The following SH2B3 variants were observed in gnomAD, a reference collection of about 807,000 sequenced individuals.
The protein encoded by SH2B3 is SH2B adaptor protein 3, also known as SH2B adapter protein 3.
SH2B3 carries 43 observed loss-of-function variants against 51.9 expected under a neutral mutation model. That is an observed-to-expected ratio of 0.83 (90% CI 0.65 to 1.07). The LOEUF is 1.07. Among genes scored for constraint, SH2B3 ranks in the 50% least tolerant of loss-of-function variants. The pLI, the probability that SH2B3 is intolerant of heterozygous loss-of-function variation, is 0.00. For synonymous variants in SH2B3, 396 were observed against 376.0 expected, an observed-to-expected ratio of 1.05 and a Z score of -0.62; for missense variants, 952 against 834.3, an observed-to-expected ratio of 1.14 and a Z score of -1.74.
At position 111,438,521 on chromosome 12, in the gene SH2B3, C is replaced by T. The variant is rs1593065291; in HGVS notation, c.733-8232C>T. Among the ~76,000 whole-genome samples, 1 of 152,294 alleles carries T rather than the reference C, an allele frequency of 6.6e-6. No individual in the cohort carries two copies. Among genetic ancestry groups the T allele is most frequent in the African/African-American group, 2.4e-5 (1 of 41,558 alleles). ...GGATGGCAGTAGGGGCAATCATCCC[C>T]TATGCCCCCCGTTACCCAGCACAAA... On this transcript the variant is annotated intron_variant, in intron 2 of 7. Transcript: ENST00000341259. This position sits in a 1 kb window ranked among gnomAD's most constrained non-coding sequence, Gnocchi z 4.2.
chr12:111,406,234 C>T lies in SH2B3; in HGVS notation c.-71C>T, dbSNP rs1363579358. On this transcript the variant is annotated 5_prime_UTR_variant, in exon 1 of 8. Transcript: ENST00000341259. This position sits in a 1 kb window ranked among gnomAD's most constrained non-coding sequence, Gnocchi z 5.7. The stretch of plus-strand genomic sequence containing the variant: ...TCGGGATTTCGAGGGCCCGGGGGCG[C>T]GCGACGCCATGGGCCGGCCGGGCCC... The T allele has an allele frequency of 2.0e-5, 3 of 151,958 alleles. No homozygotes were observed. Among genetic ancestry groups the T allele is most frequent in the Admixed American group, 6.5e-5 (1 of 15,270 alleles). 9.4% of individuals were successfully genotyped at this position (151,958 alleles called of 1,614,324 possible). A position where few individuals can be genotyped will look rare whatever the true frequency, so the allele number is the denominator to read the frequency against.
At position 111,418,376 on chromosome 12, in the gene SH2B3, C is replaced by A. The variant is rs754581539; in HGVS notation, c.231C>A (p.Arg77=). Residue 77 remains arginine (R), a synonymous_variant, in exon 2 of 8, where the codon CGC becomes CGA. Transcript: ENST00000341259. This position sits in a 1 kb window ranked among gnomAD's most constrained non-coding sequence, Gnocchi z 6.7. ...FTDLFQRYFC[R]EVRDGRAPGR... ...ACCTCTTCCAGCGCTACTTCTGCCG[C>A]GAGGTGCGCGACGGACGGGCGCCGG... is the stretch of plus-strand genomic sequence containing the variant. 3.2e-5 allele frequency: 49 copies of A among 1,515,886 alleles called. No homozygotes were observed. The highest frequency in any genetic ancestry group is 4.2e-5 in the Non-Finnish European group (48 of 1,137,866). 93.9% of individuals were successfully genotyped at this position (1,515,886 alleles called of 1,614,324 possible). A position where few individuals can be genotyped will look rare whatever the true frequency, so the allele number is the denominator to read the frequency against.
Position 111,438,173 on chromosome 12 carries a change from G to T in SH2B3, c.733-8580G>T, listed in dbSNP as rs573453643. Among the ~76,000 whole-genome samples, 1 of 151,704 alleles carries T rather than the reference G, an allele frequency of 6.6e-6. No individual in the cohort carries two copies. The highest frequency in any genetic ancestry group is 6.6e-5 in the Admixed American group (1 of 15,234). On this transcript the variant is annotated intron_variant, in intron 2 of 7. Transcript: ENST00000341259. This position sits in a 1 kb window ranked among gnomAD's most constrained non-coding sequence, Gnocchi z 4.2. ...CAAATGCAGGGGCTGGGTGGCAGGG[G>T]AAGGTGTGGGCGGGAAGGCGGCTGG...
rs753631878 is a variant in SH2B3 at position 111,406,939 on chromosome 12, C to T, written c.-28+662C>T. Reference sequence around the variant, plus strand: ...TTGCCTGGGGTTCCCTGGGAATCCCCCGACCAAAAAACGTCTGGAGTGGGT... The same window carrying T: ...TTGCCTGGGGTTCCCTGGGAATCCCTCGACCAAAAAACGTCTGGAGTGGGT... On this transcript the variant is annotated intron_variant, in intron 1 of 7. Coordinates refer to ENST00000341259, the MANE Select transcript of SH2B3 (RefSeq NM_005475.3). This position sits in a 1 kb window ranked among gnomAD's most constrained non-coding sequence, Gnocchi z 5.7. Among the ~76,000 whole-genome samples, 2 of 152,122 alleles carry T rather than the reference C, an allele frequency of 1.3e-5. No individual in the cohort carries two copies. Among genetic ancestry groups the T allele is most frequent in the Non-Finnish European group, 2.9e-5 (2 of 68,004 alleles).
In SH2B3 at chr12:111,409,768, C is replaced by T. The variant is rs1035816943; in HGVS notation, c.-28+3491C>T. 2.1e-4 allele frequency among the ~76,000 whole-genome samples: 32 copies of T among 152,212 alleles called. No individual in the cohort carries two copies. The highest frequency in any genetic ancestry group is 7.5e-4 in the African/African-American group (31 of 41,456). ...CACTGGACATCTGCTCAATGGGGCCCTGCTGCCGGGGTGACAAGCATCCCT... is the reference window on the plus strand; with the variant it reads ...CACTGGACATCTGCTCAATGGGGCCTTGCTGCCGGGGTGACAAGCATCCCT... On this transcript the variant is annotated intron_variant, in intron 1 of 7. Coordinates refer to ENST00000341259, the MANE Select transcript of SH2B3 (RefSeq NM_005475.3). This position sits in a 1 kb window ranked among gnomAD's most constrained non-coding sequence, Gnocchi z 4.0.
rs1000392996 is a variant in SH2B3 at position 111,418,891 on chromosome 12, G to C, written c.732+14G>C. 2 of 1,394,256 alleles carry C rather than the reference G, an allele frequency of 1.4e-6. No homozygotes were observed. Among genetic ancestry groups the C allele is most frequent in the Admixed American group, 3.7e-5 (1 of 26,946 alleles). The allele number at this position is 1,394,256 out of a possible 1,614,324, so 86.4% of individuals were successfully genotyped here. On this transcript the variant is annotated intron_variant, in intron 2 of 7. Transcript: ENST00000341259. The surrounding 1 kb of genome is among the most constrained non-coding windows in gnomAD (Gnocchi z 6.7). The stretch of plus-strand genomic sequence containing the variant: ...GACCCACCCAAGGTAAGTAAGCCCT[G>C]CCCGCGGGGTTGCGCACTGCACTGC...
At chr12:111,419,833 T>C (rs1433382527) in intron 2 of SH2B3, among the ~76,000 whole-genome samples, 1 of 152,204 alleles carries the variant, frequency 6.6e-6, no homozygotes, top group Non-Finnish European at 1.5e-5. Context: ...TCCTCTAATG[T>C]CCCTTTTCTG....
At chr12:111,439,329 A>AC (rs1312241918) in intron 2 of SH2B3, among the ~76,000 whole-genome samples, 10 of 152,274 alleles carry the variant, frequency 6.6e-5, no homozygotes, top group African/African-American at 2.4e-4. Flanking sequence ...TTGTATTTTT[A>AC]GTAGAGACAG....
At chr12:111,432,208 C>G (rs777937798) in intron 2 of SH2B3, among the ~76,000 whole-genome samples, 1 of 151,820 alleles carries the variant, frequency 6.6e-6, no homozygotes, top group Non-Finnish European at 1.5e-5. Context: ...TGTGCCACCA[C>G]GCCCGGCTAA....
chr12:111,431,606 G>A (rs1054498079), intron 2 of SH2B3, among the ~76,000 whole-genome samples: 3 of 151,936 alleles, frequency 2.0e-5, no homozygotes, highest in African/African-American at 7.3e-5. Flanking sequence ...TGAGACTGGG[G>A]GACACTGCTC....
chr12:111,422,112 C>G (rs914743959), intron 2 of SH2B3, among the ~76,000 whole-genome samples: 1 of 152,242 alleles, frequency 6.6e-6, no homozygotes, highest in African/African-American at 2.4e-5. Context: ...CGGAGTCTCG[C>G]TCTGTTGCCC....
intron 1 of SH2B3, among the ~76,000 whole-genome samples, chr12:111,414,619 C>T (rs1870942682): frequency 6.6e-6 from 1 of 151,816 alleles, no homozygotes; most frequent in African/African-American, 2.4e-5. Context: ...GTCGACTCTG[C>T]ATGGCCCCCT....
intron 1 of SH2B3, among the ~76,000 whole-genome samples, chr12:111,411,203 C>CAAA (rs397958520): frequency 7.5e-4 from 75 of 99,566 alleles, no homozygotes; most frequent in African/African-American, 2.2e-3. Flanking sequence ...CTGTCTCTAC[C>CAAA]AAAAAAAAAA....
At chr12:111,430,217 C>T (rs1274272878) in intron 2 of SH2B3, among the ~76,000 whole-genome samples, 4 of 152,186 alleles carry the variant, frequency 2.6e-5, no homozygotes, top group Non-Finnish European at 4.4e-5. Flanking sequence ...AGGGCTCCTG[C>T]GGCCCCAGCC....
At position 111,448,581 on chromosome 12, in the gene SH2B3, G is replaced by A. The variant is rs1171481624; in HGVS notation, c.*279G>A. 3.6e-5 allele frequency: 15 copies of A among 412,528 alleles called. No homozygotes were observed. Among genetic ancestry groups the A allele is most frequent in the African/African-American group, 1.0e-4 (5 of 49,840 alleles). The allele number at this position is 412,528 out of a possible 1,614,324, so 25.6% of individuals were successfully genotyped here. ...CCCGGGGTCCCTATGCCCAGTCCCC[G>A]TTACTCTTAGAGAAAGGAGTTGGGG... is the stretch of plus-strand genomic sequence containing the variant. On this transcript the variant is annotated 3_prime_UTR_variant, in exon 8 of 8. Transcript: ENST00000341259.
intron 2 of SH2B3, among the ~76,000 whole-genome samples, chr12:111,440,913 G>A (rs1593068273): frequency 6.6e-6 from 1 of 152,156 alleles, no homozygotes. Flanking sequence ...CCATTCCCCT[G>A]AGATCCTTCC....
rs12316941 is a variant in SH2B3 at position 111,409,432 on chromosome 12, C to T, written c.-28+3155C>T. Among the ~76,000 whole-genome samples the T allele has an allele frequency of 0.035, 5,322 of 152,254 alleles. 334 individuals are homozygous for T. The highest frequency in any genetic ancestry group is 0.12 in the African/African-American group (4,980 of 41,530). ...AAAACGGTCCCCAAGGGCCCGCGGG[C>T]GTTCAGCATCTTTGACGAGGCAGGG... On this transcript the variant is annotated intron_variant, in intron 1 of 7. Coordinates refer to ENST00000341259, the MANE Select transcript of SH2B3 (RefSeq NM_005475.3). This position sits in a 1 kb window ranked among gnomAD's most constrained non-coding sequence, Gnocchi z 4.0.
chr12:111,450,083 C>T lies in SH2B3; in HGVS notation c.*1781C>T, dbSNP rs1184452376. ...GGATTACAAGCACCAGCCACCATGC[C>T]TGGCTAATTTTGTATTTTTAGTAGA... is the stretch of plus-strand genomic sequence containing the variant. On this transcript the variant is annotated 3_prime_UTR_variant, in exon 8 of 8. Transcript: ENST00000341259. 6.6e-6 allele frequency: 1 copy of T among 152,204 alleles called. No homozygotes were observed. The highest frequency in any genetic ancestry group is 1.5e-5 in the Non-Finnish European group (1 of 68,046). The allele number at this position is 152,204 out of a possible 1,614,324, so 9.4% of individuals were successfully genotyped here.
At chr12:111,446,479 A>ACTG (rs1873965247) in intron 2 of SH2B3, among the ~76,000 whole-genome samples, 2 of 152,320 alleles carry the variant, frequency 1.3e-5, no homozygotes. Flanking sequence ...TGTCAGACAC[A>ACTG]TGGCAGAGTG....
Sources: allele counts gnomAD v4.1 joint callset (sites outside exome capture counted in the v4.1 genomes callset), GRCh38; gene constraint gnomAD v4.1.1; non-coding constraint Gnocchi (gnomAD v3.1); transcripts MANE v1.5; gene names NCBI Gene and HGNC (gene_info 2026-07-23, HGNC 2026-07-21).